Variants in RCBTB1 observed in about 807,000 individuals in gnomAD.
RCBTB1 encodes RCC1 and BTB domain containing protein 1.
A neutral mutation model predicts 62.4 loss-of-function variants in RCBTB1; 46 were observed. That is an observed-to-expected ratio of 0.74 (90% CI 0.58 to 0.94). The LOEUF (loss-of-function observed/expected upper bound fraction) is 0.94, where lower values mean the gene tolerates loss of function less well. Ranked by LOEUF, RCBTB1 falls within the 40% of genes least tolerant of loss-of-function variation. RCBTB1 has a pLI of 0.00. For synonymous variants in RCBTB1, 222 were observed against 245.8 expected (o/e 0.90, Z 0.91); for missense variants, 565 against 654.9 (o/e 0.86, Z 1.50).
chr13:49,541,150 T>C (rs1357980488), intron 11 of RCBTB1, 144 bp from the exon 12 acceptor site: 1 of 656,944 alleles, frequency 1.5e-6, no homozygotes, highest in Non-Finnish European at 2.5e-6. Context: ...ATAAATTCTC[T>C]TTTTTACTGT....
At position 49,549,634 on chromosome 13, in the gene RCBTB1, G is replaced by A. The variant is rs200435946; in HGVS notation, c.869C>T (p.Ala290Val). ...AGACGTGTGGGCAGAGTGACAGGCT[G>A]CAATCTCTACCACCCTGAAAAGTTT... ...MVEKERVVEI[A>V]ACHSAHTSAA... The change falls in exon 9 of 13, where the codon GCA becomes GTA. Residue 290 changes from alanine (A) to valine (V), a missense_variant. Physicochemically the swap from Ala to Val is moderately conservative, Grantham distance 64 (BLOSUM62 0). Transcript: ENST00000378302. The A allele has an allele frequency of 1.2e-6, 2 of 1,610,972 alleles. No homozygotes were observed. Among genetic ancestry groups the A allele is most frequent in the Admixed American group, 1.7e-5 (1 of 59,604 alleles).
At chr13:49,582,487 CTAAA>C (rs112388488) in intron 1 of RCBTB1, among the ~76,000 whole-genome samples, 17 of 151,748 alleles carry the variant, frequency 1.1e-4, no homozygotes, top group African/African-American at 3.6e-4. Flanking sequence ...AATTCTGTCT[CTAAA>C]TAAATAAATA....
At chr13:49,576,850 T>TG (rs1480257863) in intron 2 of RCBTB1, among the ~76,000 whole-genome samples, 2 of 152,084 alleles carry the variant, frequency 1.3e-5, no homozygotes, top group Admixed American at 6.6e-5. Flanking sequence ...GACTTTTTTT[T>TG]TTAACTGTAT....
chr13:49,555,505 G>A lies in RCBTB1; in HGVS notation c.603+10C>T. The stretch of plus-strand genomic sequence containing the variant: ...AGGTAGAAAGGGAAATGGGAGTGGA[G>A]ACACCTCACCTCGCCATTGTCCAGA... On this transcript the variant is annotated intron_variant, in intron 6 of 12. Transcript: ENST00000378302. The A allele has an allele frequency of 1.2e-6, 2 of 1,611,070 alleles. No homozygotes were observed. Among genetic ancestry groups the A allele is most frequent in the South Asian group, 1.1e-5 (1 of 90,976 alleles).
At chr13:49,569,830 C>G (rs188759649) in intron 2 of RCBTB1, among the ~76,000 whole-genome samples, 149 of 152,160 alleles carry the variant, frequency 9.8e-4, no homozygotes, top group African/African-American at 3.4e-3. Flanking sequence ...TTGCTTGAAC[C>G]CAGGAAGTCA....
rs1962310573 is a variant in RCBTB1 at position 49,560,044 on chromosome 13, C to A, written c.318G>T (p.Gln106His). The change falls in exon 5 of 13, where the codon CAG becomes CAT. Residue 106 changes from glutamine to histidine, a missense_variant. Physicochemically the swap from Gln to His is conservative, Grantham distance 24. Transcript: ENST00000378302. ...VYAWGHNGYS[Q>H]LGNGTTNQGI... is the part of the protein sequence containing the mutation. The stretch of plus-strand genomic sequence containing the variant: ...CTTGGTTGGTCGTCCCATTCCCAAG[C>A]TGGCTATATCCATTGTGGCCCCAGG... 3 of 1,614,164 alleles carry A rather than the reference C, an allele frequency of 1.9e-6. No homozygotes were observed. The highest frequency in any genetic ancestry group is 2.2e-5 in the East Asian group (1 of 44,872).
chr13:49,568,202 T>C (rs1322351300), intron 2 of RCBTB1, among the ~76,000 whole-genome samples: 1 of 152,166 alleles, frequency 6.6e-6, no homozygotes, highest in Non-Finnish European at 1.5e-5. Flanking sequence ...GGGGAAATCA[T>C]TCTATATTAG....
chr13:49,580,706 T>C (rs563127126), intron 1 of RCBTB1, 122 bp from the exon 2 acceptor site: 1 of 152,360 alleles, frequency 6.6e-6, no homozygotes, highest in South Asian at 2.1e-4. Flanking sequence ...CTTTCTCATG[T>C]GGATACCCCA....
chr13:49,572,148 G>C (rs1263376757), intron 2 of RCBTB1, among the ~76,000 whole-genome samples: 1 of 151,902 alleles, frequency 6.6e-6, no homozygotes, highest in South Asian at 2.1e-4. Flanking sequence ...ATGACATGGT[G>C]AAACCCTGCC....
At position 49,550,816 on chromosome 13, in the gene RCBTB1, T is replaced by C. The variant is rs575638394; in HGVS notation, c.854+510A>G. Among the ~76,000 whole-genome samples, 4 of 152,284 alleles carry C rather than the reference T, an allele frequency of 2.6e-5. No homozygotes were observed. In the East Asian group the frequency reaches 7.7e-4, roughly 29 times the overall value. ...GGCTACTACTCAAAACACTTTTGCA[T>C]AGGCCAGGCACGGTGGGGCTCATGC... On this transcript the variant is annotated intron_variant, in intron 8 of 12. Transcript: ENST00000378302.
At chr13:49,563,014 T>A (rs1466309349) in intron 4 of RCBTB1, among the ~76,000 whole-genome samples, 1 of 150,604 alleles carries the variant, frequency 6.6e-6, no homozygotes, top group Non-Finnish European at 1.5e-5. Context: ...GAGTACAGAA[T>A]CATGATTATG....
chr13:49,534,262 C>A lies in RCBTB1; in HGVS notation c.1456G>T (p.Asp486Tyr). ...AACTTAAAGCAGAATTCTTCTAAATCCTGGACACACAACAAAAATAAAAAC... is the reference window on the plus strand; with the variant it reads ...AACTTAAAGCAGAATTCTTCTAAATACTGGACACACAACAAAAATAAAAAC... ...FSAAVRYDAE[D>Y]LEEFCFKFCI... Residue 486 changes from aspartate to tyrosine, a missense_variant and splice_region_variant, in exon 13 of 13, where the codon GAT (aspartate) becomes TAT (tyrosine). Physicochemically the swap from Asp to Tyr is radical, Grantham distance 160. Coordinates refer to ENST00000378302, the MANE Select transcript of RCBTB1 (RefSeq NM_018191.4). 2 of 1,608,766 alleles carry A rather than the reference C, an allele frequency of 1.2e-6. No individual in the cohort carries two copies. Among genetic ancestry groups the A allele is most frequent in the Non-Finnish European group, 1.7e-6 (2 of 1,177,394 alleles).
At chr13:49,545,114 T>C (rs1960693437) in intron 9 of RCBTB1, among the ~76,000 whole-genome samples, 1 of 152,090 alleles carries the variant, frequency 6.6e-6, no homozygotes, top group Admixed American at 6.6e-5. Context: ...TAGTTATACA[T>C]TAGAAATGTA....
At chr13:49,545,272 G>GGTCA (rs1960703418) in intron 9 of RCBTB1, among the ~76,000 whole-genome samples, 1 of 151,900 alleles carries the variant, frequency 6.6e-6, no homozygotes, top group Admixed American at 6.6e-5. Flanking sequence ...ACTTTCAAGG[G>GGTCA]GTCAGCATAC....
chr13:49,551,033 G>C, intron 8 of RCBTB1: 1 of 306,428 alleles, frequency 3.3e-6, no homozygotes. Flanking sequence ...AACCCACGAA[G>C]TGAAGGTTGC....
Position 49,559,977 on chromosome 13 carries a change from G to A in RCBTB1, c.385C>T (p.Gln129Ter). The A allele has an allele frequency of 6.2e-7, 1 of 1,614,130 alleles. No homozygotes were observed. The highest frequency in any genetic ancestry group is 8.5e-7 in the Non-Finnish European group (1 of 1,179,996). Residue 129 changes from glutamine to a stop codon, truncating the protein, a stop_gained, in exon 5 of 13, where the codon CAA becomes TAA. Transcript: ENST00000378302. LOFTEE classifies it high-confidence loss of function. ...GAGCCACAAGCTACTTCCACCACTT[G>A]CTTGATCAAGAGATTGGTACAGACC... ...VQVCTNLLIK[Q>*]VVEVACGSHH...
At chr13:49,535,601 GAC>G (rs1959878714) in intron 12 of RCBTB1, among the ~76,000 whole-genome samples, 2 of 152,144 alleles carry the variant, frequency 1.3e-5, no homozygotes, top group African/African-American at 4.8e-5. Context: ...AACATGGAGA[GAC>G]CCCTTTTCTG....
chr13:49,546,541 G>A (rs777654859), intron 9 of RCBTB1: 1 of 158,964 alleles, frequency 6.3e-6, no homozygotes, highest in Non-Finnish European at 1.3e-5. Context: ...AATATGTAAT[G>A]AAATAATTAC....
chr13:49,558,276 T>C (rs1310609425), intron 5 of RCBTB1, among the ~76,000 whole-genome samples: 2 of 152,230 alleles, frequency 1.3e-5, no homozygotes, highest in Non-Finnish European at 2.9e-5. Context: ...TGTCCAGGGC[T>C]GCTTCCCACC....
Sources: gnomAD v4.1 joint callset for allele counts (sites outside exome capture counted in the v4.1 genomes callset) on GRCh38, gnomAD v4.1.1 for gene constraint, MANE v1.5 for transcripts, NCBI Gene and HGNC (gene_info 2026-07-23, HGNC 2026-07-21) for gene names.